Variants in LPXN observed in about 807,000 individuals in gnomAD.
LPXN encodes leupaxin.
Under a neutral mutation model 45.6 loss-of-function variants are expected in LPXN, and 28 were observed. That is an observed-to-expected ratio of 0.61 (90% confidence interval 0.45 to 0.84). LPXN has a LOEUF of 0.84. Among genes scored for constraint, LPXN ranks in the 40% least tolerant of loss-of-function variants. LPXN has a pLI of 0.00. For synonymous variants in LPXN, 166 were observed against 169.9 expected, an observed-to-expected ratio of 0.98 and a Z score of 0.18; for missense variants, 459 against 475.0, an observed-to-expected ratio of 0.97 and a Z score of 0.31.
intron 2 of LPXN, 123 bp downstream of exon 2, chr11:58,570,433 A>G: frequency 1.5e-6 from 1 of 645,378 alleles, no homozygotes; most frequent in Non-Finnish European, 2.5e-6. Context: ...ACATTGAGGC[A>G]TTATTTTTTC....
chr11:58,577,897 A>G, upstream of LPXN: 10 of 1,141,952 alleles, frequency 8.8e-6, no homozygotes, highest in South Asian at 1.4e-4. Context: ...TTCGTTTCAC[A>G]GATTTGATTA....
intron 7 of LPXN, among the ~76,000 whole-genome samples, chr11:58,549,094 T>A (rs2515359): frequency 2.0e-5 from 3 of 152,006 alleles, no homozygotes; most frequent in African/African-American, 7.3e-5. Context: ...TATAAAGTTA[T>A]TATTTAAAAC....
At chr11:58,569,542 C>T (rs1277873864) in intron 2 of LPXN, among the ~76,000 whole-genome samples, 1 of 151,972 alleles carries the variant, frequency 6.6e-6, no homozygotes, top group Non-Finnish European at 1.5e-5. Flanking sequence ...GCACGCACCA[C>T]CACACCCTGC....
chr11:58,558,235 T>G lies in LPXN; in HGVS notation c.219-3295A>C, dbSNP rs546143956. 4.6e-5 allele frequency among the ~76,000 whole-genome samples: 7 copies of G among 151,032 alleles called. 1 individual carries two copies. In the South Asian group the frequency reaches 1.2e-3, roughly 27 times the overall value. ...TCTTATAGAGTAACAATAATTAAATTTGTATGATGTTGGTAAAGAAGATAG... is the reference window on the plus strand; with the variant it reads ...TCTTATAGAGTAACAATAATTAAATGTGTATGATGTTGGTAAAGAAGATAG... On this transcript the variant is annotated intron_variant, in intron 3 of 8. Coordinates refer to ENST00000395074, the MANE Select transcript of LPXN (RefSeq NM_004811.3).
intron 1 of LPXN, among the ~76,000 whole-genome samples, chr11:58,574,442 G>T (rs528353161): frequency 6.6e-6 from 1 of 152,260 alleles, no homozygotes; most frequent in South Asian, 2.1e-4. Context: ...CTATTTCAGA[G>T]GGTTGCTGCA....
At chr11:58,557,824 A>G (rs1854251037) in intron 3 of LPXN, among the ~76,000 whole-genome samples, 1 of 152,224 alleles carries the variant, frequency 6.6e-6, no homozygotes. Flanking sequence ...AATATTGTAC[A>G]CCTTAAATAT....
At chr11:58,531,083 T>C (rs1036458765) in intron 7 of LPXN, among the ~76,000 whole-genome samples, 21 of 151,762 alleles carry the variant, frequency 1.4e-4, no homozygotes, top group Non-Finnish European at 2.9e-4. Context: ...GTAGAAACAC[T>C]CAAGAAGATG....
At chr11:58,541,415 T>C (rs1490225700) in intron 7 of LPXN, among the ~76,000 whole-genome samples, 2 of 152,198 alleles carry the variant, frequency 1.3e-5, no homozygotes, top group African/African-American at 2.4e-5. Context: ...AAGACATTTA[T>C]GCAGGCAAAA....
chr11:58,549,732 G>T, intron 7 of LPXN, 54 bp downstream of exon 7: 1 of 1,501,122 alleles, frequency 6.7e-7, no homozygotes, highest in Non-Finnish European at 9.3e-7. Flanking sequence ...GGTGTTGCTG[G>T]TCTTATAACT....
At chr11:58,544,346 G>C (rs1185509001) in intron 7 of LPXN, among the ~76,000 whole-genome samples, 1 of 152,170 alleles carries the variant, frequency 6.6e-6, no homozygotes, top group East Asian at 1.9e-4. Context: ...GATTCAATGG[G>C]TCTGGGATGG....
chr11:58,567,062 G>C (rs1431019879), intron 2 of LPXN, among the ~76,000 whole-genome samples: 1 of 151,888 alleles, frequency 6.6e-6, no homozygotes, highest in East Asian at 1.9e-4. Flanking sequence ...GACAATTTTA[G>C]TTTCTGTTTT....
In LPXN at chr11:58,550,973, A is replaced by G. The variant is rs143146203; in HGVS notation, c.486+92T>C. 43 of 1,255,228 alleles carry G rather than the reference A, an allele frequency of 3.4e-5. No individual in the cohort carries two copies. The East Asian group carries it at 9.2e-4, about 27-fold the overall frequency. 77.8% of individuals were successfully genotyped at this position (1,255,228 alleles called of 1,614,324 possible). On this transcript the variant is annotated intron_variant, in intron 5 of 8. Transcript: ENST00000395074. Reference sequence around the variant, plus strand: ...GATTAGTAATTATTAATGCTAACTAAAATATCTTAAAATATAAGGGGAAAG... The same window carrying G: ...GATTAGTAATTATTAATGCTAACTAGAATATCTTAAAATATAAGGGGAAAG...
intron 3 of LPXN, among the ~76,000 whole-genome samples, chr11:58,559,057 A>G (rs886559549): frequency 1.3e-5 from 2 of 152,018 alleles, no homozygotes; most frequent in African/African-American, 2.4e-5. Flanking sequence ...AGCAGGTTTC[A>G]GAAAAAGAAA....
At chr11:58,543,945 A>G (rs1392658099) in intron 7 of LPXN, among the ~76,000 whole-genome samples, 1 of 152,176 alleles carries the variant, frequency 6.6e-6, no homozygotes, top group Non-Finnish European at 1.5e-5. Flanking sequence ...CAAACCATAT[A>G]GCTGCAGTTT....
In LPXN at chr11:58,527,384, T is replaced by G; in HGVS notation, c.*70A>C. On this transcript the variant is annotated 3_prime_UTR_variant, in exon 9 of 9. Coordinates refer to ENST00000395074, the MANE Select transcript of LPXN (RefSeq NM_004811.3). Reference sequence around the variant, plus strand: ...TAAGCAGAAGGTCAGTAACAGAAAATTTACCCTTTCCTCTCCTCTCTTGGT... The same window carrying G: ...TAAGCAGAAGGTCAGTAACAGAAAAGTTACCCTTTCCTCTCCTCTCTTGGT... The G allele has an allele frequency of 1.2e-5, 18 of 1,540,458 alleles. No individual in the cohort carries two copies. The highest frequency in any genetic ancestry group is 1.6e-5 in the Non-Finnish European group (18 of 1,124,332).
intron 7 of LPXN, among the ~76,000 whole-genome samples, chr11:58,536,660 G>T (rs1001427140): frequency 6.6e-6 from 1 of 151,980 alleles, no homozygotes; most frequent in Non-Finnish European, 1.5e-5. Context: ...TAGACAAATG[G>T]GATCTAATTA....
intron 3 of LPXN, among the ~76,000 whole-genome samples, chr11:58,556,814 G>A (rs2120353101): frequency 6.6e-6 from 1 of 152,212 alleles, no homozygotes; most frequent in East Asian, 1.9e-4. Flanking sequence ...CAAGAAATGT[G>A]TAAGAATTCT....
chr11:58,570,587 AG>A lies in LPXN; in HGVS notation c.139del (p.Leu47PhefsTer54), dbSNP rs1461199224. 1.2e-6 allele frequency: 2 copies of A among 1,613,270 alleles called. No homozygotes were observed. Among genetic ancestry groups the A allele is most frequent in the South Asian group, 2.2e-5 (2 of 91,020 alleles). On this transcript the variant is annotated frameshift_variant, in exon 2 of 9. Coordinates refer to ENST00000395074, the MANE Select transcript of LPXN (RefSeq NM_004811.3). LOFTEE classifies it high-confidence loss of function. ...GGGACTTGTGTTATCCTGAATAGAA[AG>A]GATCTCCGAAGTCTCATCAAGGTTA... ...ETNLDETSEI[L>X]SIQDNTSPLP...
Position 58,527,299 on chromosome 11 carries a change from C to T in LPXN, c.*155G>A, listed in dbSNP as rs1853252572. The stretch of plus-strand genomic sequence containing the variant: ...TAAAAAATAAGATTATCAGCCTAGT[C>T]ATGTAAAGTCTAGAAGTTCCTTTAT... On this transcript the variant is annotated 3_prime_UTR_variant, in exon 9 of 9. Transcript: ENST00000395074. The T allele has an allele frequency of 4.5e-6, 3 of 672,884 alleles. No individual in the cohort carries two copies. The highest frequency in any genetic ancestry group is 5.0e-6 in the Non-Finnish European group (2 of 398,080). The allele number at this position is 672,884 out of a possible 1,614,324, so 41.7% of individuals were successfully genotyped here. A position where few individuals can be genotyped will look rare whatever the true frequency, so the allele number is the denominator to read the frequency against.
Sources: allele counts gnomAD v4.1 joint callset (sites outside exome capture counted in the v4.1 genomes callset), GRCh38; gene constraint gnomAD v4.1.1; transcripts MANE v1.5; gene names NCBI Gene and HGNC (gene_info 2026-07-23, HGNC 2026-07-21).